The following CRLF1 variants were observed in gnomAD, a reference collection of about 807,000 sequenced individuals.
The protein encoded by CRLF1 is cytokine receptor like factor 1.
Under a neutral mutation model 48.9 loss-of-function variants are expected in CRLF1, and 36 were observed. That is an observed-to-expected ratio of 0.74 (90% confidence interval 0.56 to 0.97). CRLF1 has a LOEUF of 0.97. Ranked by LOEUF, CRLF1 falls within the 50% of genes least tolerant of loss-of-function variation. CRLF1 has a pLI of 0.00. For synonymous variants in CRLF1, 256 were observed against 253.4 expected (o/e 1.01, Z -0.10); for missense variants, 534 against 575.1 (o/e 0.93, Z 0.73).
At chr19:18,604,554 G>C (rs1230544505) in intron 1 of CRLF1, among the ~76,000 whole-genome samples, 11 of 152,196 alleles carry the variant, frequency 7.2e-5, no homozygotes, top group Admixed American at 7.2e-4. Context: ...GAAGCCCCCA[G>C]GAGCTGCAAA....
At chr19:18,594,030 G>GCGGGGGGGGCCCCCC in intron 8 of CRLF1, 35 bp downstream of exon 8, 4 of 1,315,302 alleles carry the variant, frequency 3.0e-6, no homozygotes, top group Non-Finnish European at 4.2e-6. Flanking sequence ...CCCTCCCCTT[G>GCGGGGGGGGCCCCCC]CTCCCTCCCG....
At chr19:18,593,931 AG>A (rs1165123864) in intron 8 of CRLF1, 133 bp downstream of exon 8, 1 of 1,473,666 alleles carries the variant, frequency 6.8e-7, no homozygotes, top group Non-Finnish European at 9.1e-7. Flanking sequence ...TGAATAACAA[AG>A]GAAGAGGACG....
chr19:18,594,392 C>CCGCCCCGCGGTTCGCA lies in CRLF1; in HGVS notation c.1051_1066dup (p.Gly356ValfsTer143). 1.3e-6 allele frequency: 2 copies of CCGCCCCGCGGTTCGCA among 1,585,398 alleles called. No individual in the cohort carries two copies. Among genetic ancestry groups the CCGCCCCGCGGTTCGCA allele is most frequent in the Non-Finnish European group, 8.6e-7 (1 of 1,164,834 alleles). On this transcript the variant is annotated frameshift_variant, in exon 7 of 9. Transcript: ENST00000392386. LOFTEE classifies it high-confidence loss of function. Reference sequence around the variant, plus strand: ...CCGCACCGGCCCCGAGCTCGGCTCTCCGCCCCGCGGTTCGCACGCCCCGCC... The same window carrying CCGCCCCGCGGTTCGCA: ...CCGCACCGGCCCCGAGCTCGGCTCTCCGCCCCGCGGTTCGCACGCCCCGCGGTTCGCACGCCCCGCC...
chr19:18,594,032 T>TGGCCCCCCCCCCCC, intron 8 of CRLF1, 33 bp downstream of exon 8: 1 of 695,814 alleles, frequency 1.4e-6, no homozygotes, highest in Non-Finnish European at 2.2e-6. Flanking sequence ...CTCCCCTTGC[T>TGGCCCCCCCCCCCC]CCCTCCCGCC....
intron 2 of CRLF1, 107 bp from the exon 3 acceptor site, chr19:18,599,008 A>T (rs978068894): frequency 1.3e-6 from 2 of 1,561,198 alleles, no homozygotes; most frequent in African/African-American, 1.4e-5. Context: ...GAGTGGAAGG[A>T]GGGCAGACAG....
rs371077575 is a variant in CRLF1, at chr19:18,594,062, T to C, written c.1255+3A>G. On this transcript the variant is annotated splice_donor_region_variant and intron_variant, in intron 8 of 8. Coordinates refer to ENST00000392386, the MANE Select transcript of CRLF1 (RefSeq NM_004750.5). ...CCCGCCCACCCATTCAGGCCCACCT[T>C]ACCTCTCGCCGTGCCCCGTCTGCCC... The C allele has an allele frequency of 1.5e-5, 9 of 604,444 alleles. No individual in the cohort carries two copies. The African/African-American group carries it at 1.7e-4, about 12-fold the overall frequency. The allele number at this position is 604,444 out of a possible 1,614,324, so 37.4% of individuals were successfully genotyped here.
rs1199919814 is a variant in CRLF1 at position 18,596,971 on chromosome 19, G to A, written c.776C>T (p.Ser259Leu). The A allele has an allele frequency of 3.1e-6, 5 of 1,613,806 alleles. No individual in the cohort carries two copies. The highest frequency in any genetic ancestry group is 2.2e-5 in the South Asian group (2 of 91,088). Residue 259 changes from serine (S) to leucine (L), a missense_variant, in exon 5 of 9, where the codon TCG (serine) becomes TTG (leucine). Transcript: ENST00000392386. ...LEDQLSVRWVSPPALKDFLFQ... is the reference protein window; with the variant it reads ...LEDQLSVRWVLPPALKDFLFQ... ...GAGGAAATCCTTGAGGGCGGGTGGC[G>A]ACACCCAGCGCACGCTCAGCTGGTC...
At chr19:18,601,884 A>G (rs1403065240) in intron 1 of CRLF1, among the ~76,000 whole-genome samples, 4 of 152,206 alleles carry the variant, frequency 2.6e-5, no homozygotes, top group African/African-American at 7.2e-5. Context: ...CTGGTCTCCA[A>G]AGTTCTGTTC....
Position 18,596,919 on chromosome 19 carries a change from G to C in CRLF1, c.828C>G (p.Tyr276Ter). 1.2e-6 allele frequency: 2 copies of C among 1,614,148 alleles called. No individual in the cohort carries two copies. The highest frequency in any genetic ancestry group is 2.2e-5 in the South Asian group (2 of 91,084). ...TCCAGTCCACACTGTCCTCCACTCG[G>C]TAGCGGATCTGGTATTTGGCTTGAA... is the stretch of plus-strand genomic sequence containing the variant. ...FLFQAKYQIR[Y>*]RVEDSVDWKV... is the part of the protein sequence containing the mutation. The change falls in exon 5 of 9, where the codon TAC becomes TAG. Residue 276 changes from tyrosine to a stop codon, truncating the protein, a stop_gained. Transcript: ENST00000392386. LOFTEE classifies it high-confidence loss of function.
chr19:18,599,791 C>G lies in CRLF1; in HGVS notation c.171G>C (p.Leu57=). ...DPTLLIGSSL[L]ATCSVHGDPP... ...GGTCTCCGTGCACTGAGCAGGTGGC[C>G]AGCAGGGAGGAGCCGATGAGAAGCG... is the stretch of plus-strand genomic sequence containing the variant. The change falls in exon 2 of 9, where the codon CTG becomes CTC. Residue 57 remains leucine, a synonymous_variant. Transcript: ENST00000392386. 6.3e-7 allele frequency: 1 copy of G among 1,581,206 alleles called. No homozygotes were observed. Among genetic ancestry groups the G allele is most frequent in the Non-Finnish European group, 8.6e-7 (1 of 1,160,646 alleles).
At chr19:18,603,361 A>G (rs1319461063) in intron 1 of CRLF1, among the ~76,000 whole-genome samples, 1 of 152,216 alleles carries the variant, frequency 6.6e-6, no homozygotes, top group Non-Finnish European at 1.5e-5. Flanking sequence ...ATAAAGTAAG[A>G]GAAGTAGCTG....
rs769181592 is a variant in CRLF1 at position 18,597,000 on chromosome 19, C to T, written c.747G>A (p.Leu249=). 1 of 1,613,648 alleles carries T rather than the reference C, an allele frequency of 6.2e-7. No homozygotes were observed. The highest frequency in any genetic ancestry group is 2.2e-5 in the East Asian group (1 of 44,862). Residue 249 remains leucine (L), a synonymous_variant, in exon 5 of 9, where the codon CTG becomes CTA. Transcript: ENST00000392386. ...CCCAGCGCACGCTCAGCTGGTCCTC[C>T]AGGCCCCCGACGCGGCTCACGTGCA... is the stretch of plus-strand genomic sequence containing the variant. ...PDVHVSRVGG[L]EDQLSVRWVS... is the part of the protein sequence containing the mutation.
At position 18,606,414 on chromosome 19, in the gene CRLF1, G is replaced by T; in HGVS notation, c.115+128C>A. On this transcript the variant is annotated intron_variant, in intron 1 of 8. Coordinates refer to ENST00000392386, the MANE Select transcript of CRLF1 (RefSeq NM_004750.5). This position sits in a 1 kb window ranked among gnomAD's most constrained non-coding sequence, Gnocchi z 4.8. ...CAGGTGAGGGCGCCCCGAGGGCTGC[G>T]CCGGGGGCGCCTTCCTTTGTTCCCC... 1 of 727,584 alleles carries T rather than the reference G, an allele frequency of 1.4e-6. No homozygotes were observed. Among genetic ancestry groups the T allele is most frequent in the Non-Finnish European group, 1.7e-6 (1 of 587,654 alleles). 45.1% of individuals were successfully genotyped at this position (727,584 alleles called of 1,614,324 possible).
At chr19:18,594,639 GA>G (rs1231317851) in intron 6 of CRLF1, among the ~76,000 whole-genome samples, 1 of 151,916 alleles carries the variant, frequency 6.6e-6, no homozygotes, top group Non-Finnish European at 1.5e-5. Context: ...AGGTGGGGGG[GA>G]GGGGGAAGGA....
rs1568440629 is a variant in CRLF1 at position 18,596,984 on chromosome 19, CG to C, written c.762del (p.Ser254ArgfsTer37). On this transcript the variant is annotated frameshift_variant, in exon 5 of 9. Transcript: ENST00000392386. LOFTEE classifies it high-confidence loss of function. ...AGGGCGGGTGGCGACACCCAGCGCA[CG>C]CTCAGCTGGTCCTCCAGGCCCCCGA... The part of the protein sequence containing the change: ...SRVGGLEDQL[S>X]VRWVSPPALK... 11 of 1,613,834 alleles carry C rather than the reference CG, an allele frequency of 6.8e-6. No homozygotes were observed. The highest frequency in any genetic ancestry group is 8.5e-6 in the Non-Finnish European group (10 of 1,179,998).
Position 18,596,656 on chromosome 19 carries a change from C to T in CRLF1, c.990G>A (p.Trp330Ter), listed in dbSNP as rs1022042842. 6.2e-7 allele frequency: 1 copy of T among 1,613,848 alleles called. No homozygotes were observed. Among genetic ancestry groups the T allele is most frequent in the Non-Finnish European group, 8.5e-7 (1 of 1,179,964 alleles). The change falls in exon 6 of 9, where the codon TGG (tryptophan) becomes TGA (stop). Residue 330 changes from tryptophan to a stop codon, truncating the protein, a stop_gained. Coordinates refer to ENST00000392386, the MANE Select transcript of CRLF1 (RefSeq NM_004750.5). LOFTEE classifies it high-confidence loss of function. ...GAGTGGAGGCGGCTGTGGGGTGGCT[C>T]CACTCACTCCAGATCCCGGCTTTCT... ...GSKKAGIWSE[W>*]SHPTAASTPR...
intron 8 of CRLF1, 35 bp downstream of exon 8, chr19:18,594,030 G>GCGGGGGGGC (rs1600648376): frequency 1.5e-5 from 20 of 1,315,246 alleles, no homozygotes; most frequent in East Asian, 5.2e-5. Context: ...CCCTCCCCTT[G>GCGGGGGGGC]CTCCCTCCCG....
chr19:18,602,794 T>C (rs959349308), intron 1 of CRLF1, among the ~76,000 whole-genome samples: 6 of 151,670 alleles, frequency 4.0e-5, no homozygotes, highest in Admixed American at 3.9e-4. Context: ...TTTTTTTTTT[T>C]TTTGAGACAG....
intron 6 of CRLF1, 124 bp from the exon 7 acceptor site, chr19:18,594,558 A>C: frequency 2.8e-6 from 2 of 713,762 alleles, no homozygotes; most frequent in South Asian, 5.2e-5. Flanking sequence ...CCCGTTTCTC[A>C]AGGACCGAGT....
Sources: allele counts gnomAD v4.1 joint callset (sites outside exome capture counted in the v4.1 genomes callset), GRCh38; gene constraint gnomAD v4.1.1; non-coding constraint Gnocchi (gnomAD v3.1); transcripts MANE v1.5; gene names NCBI Gene and HGNC (gene_info 2026-07-23, HGNC 2026-07-21).